The following MALRD1 variants were observed in gnomAD, a reference collection of about 807,000 sequenced individuals.
The protein encoded by MALRD1 is MAM and LDL receptor class A domain containing 1.
In MALRD1, 247 loss-of-function variants were observed where a neutral mutation model predicts 242.1. The observed-to-expected ratio is 1.02, with a 90% CI of 0.92 to 1.13. The LOEUF is 1.13. MALRD1 is among the 50% of genes most tolerant of loss of function. The pLI is 0.00. For synonymous variants in MALRD1, 995 were observed against 866.6 expected, an observed-to-expected ratio of 1.15 and a Z score of -2.60; for missense variants, 2,989 against 2,533.1, an observed-to-expected ratio of 1.18 and a Z score of -3.86.
At chr10:19,308,241 A>G (rs915959010) in intron 21 of MALRD1, among the ~76,000 whole-genome samples, 5 of 151,376 alleles carry the variant, frequency 3.3e-5, no homozygotes, top group African/African-American at 9.7e-5. Context: ...TGTGTGTTCA[A>G]TTGTTTTGAT....
intron 33 of MALRD1, among the ~76,000 whole-genome samples, chr10:19,585,048 C>T (rs1837317332): frequency 8.9e-6 from 1 of 112,714 alleles, no homozygotes; most frequent in Non-Finnish European, 2.0e-5. Context: ...GGATTGCAAC[C>T]CCTGCCTTTT....
chr10:19,698,743 A>G (rs1308370744), intron 38 of MALRD1, among the ~76,000 whole-genome samples: 1 of 152,182 alleles, frequency 6.6e-6, no homozygotes, highest in African/African-American at 2.4e-5. Flanking sequence ...GAGAGTAAAG[A>G]AAACGTTGCT....
chr10:19,385,550 A>G (rs1443230035), intron 26 of MALRD1, among the ~76,000 whole-genome samples: 4 of 152,070 alleles, frequency 2.6e-5, no homozygotes, highest in South Asian at 2.1e-4. Flanking sequence ...AGAAGTCTCA[A>G]TGATCCTTTA....
intron 36 of MALRD1, among the ~76,000 whole-genome samples, chr10:19,631,287 C>T (rs771603548): frequency 1.3e-4 from 20 of 152,112 alleles, no homozygotes; most frequent in Non-Finnish European, 2.6e-4. Flanking sequence ...GGATGATGGC[C>T]TCCAGCTCCA....
At chr10:19,162,057 C>CAAT (rs1433210168) in intron 12 of MALRD1, among the ~76,000 whole-genome samples, 1 of 151,894 alleles carries the variant, frequency 6.6e-6, no homozygotes, top group Non-Finnish European at 1.5e-5. Flanking sequence ...ACAACAACAA[C>CAAT]AACAACAAAA....
At chr10:19,529,548 G>GA (rs1047993489) in intron 31 of MALRD1, among the ~76,000 whole-genome samples, 2 of 146,628 alleles carry the variant, frequency 1.4e-5, no homozygotes, top group African/African-American at 2.6e-5. Flanking sequence ...AAAACAGGAG[G>GA]GGGGGGGAGA....
intron 10 of MALRD1, among the ~76,000 whole-genome samples, chr10:19,144,737 T>A (rs1359976825): frequency 1.3e-5 from 2 of 152,230 alleles, no homozygotes; most frequent in East Asian, 3.9e-4. Context: ...AAAGTCTAGA[T>A]GTTCCATTTA....
At position 19,347,967 on chromosome 10, in the gene MALRD1, A is replaced by C; in HGVS notation, c.4098A>C (p.Arg1366Ser). The C allele has an allele frequency of 6.4e-7, 1 of 1,550,392 alleles. No homozygotes were observed. Among genetic ancestry groups the C allele is most frequent in the Non-Finnish European group, 8.7e-7 (1 of 1,146,810 alleles). ...GTTTGTTTCCTCAGCAGCCCATGAG[A>C]GCTGCCAGAATTTCAAGTCCAGTTA... is the stretch of plus-strand genomic sequence containing the variant. ...IKSLFPQQPM[R>S]AARISSPVIS... Residue 1366 changes from arginine to serine, a missense_variant, in exon 25 of 40, where the codon AGA (arginine) becomes AGC (serine). Physicochemically the swap from Arg to Ser is moderately radical, Grantham distance 110. Coordinates refer to ENST00000454679, the MANE Select transcript of MALRD1 (RefSeq NM_001142308.3).
intron 8 of MALRD1, among the ~76,000 whole-genome samples, chr10:19,129,570 G>T (rs1025503461): frequency 2.0e-5 from 3 of 151,924 alleles, no homozygotes; most frequent in Non-Finnish European, 1.5e-5. Context: ...TCCCCAAAGA[G>T]GTGGGGCTGA....
Position 19,049,187 on chromosome 10 carries a change from A to C in MALRD1, c.199+50A>C, listed in dbSNP as rs187677397. ...ATTTCAATTCCCCGTACAGCCTGAA[A>C]CGAGGGCCTCTGAGCAGTCTGGGAG... On this transcript the variant is annotated intron_variant, in intron 1 of 39. Coordinates refer to ENST00000454679, the MANE Select transcript of MALRD1 (RefSeq NM_001142308.3). 2.6e-4 allele frequency: 320 copies of C among 1,225,146 alleles called. No homozygotes were observed. The African/African-American group carries it at 3.9e-3, about 15-fold the overall frequency. 75.9% of individuals were successfully genotyped at this position (1,225,146 alleles called of 1,614,324 possible). A position where few individuals can be genotyped will look rare whatever the true frequency, so the allele number is the denominator to read the frequency against.
upstream of MALRD1, among the ~76,000 whole-genome samples, chr10:19,047,826 G>C (rs1334739183): frequency 6.6e-6 from 1 of 152,052 alleles, no homozygotes; most frequent in Non-Finnish European, 1.5e-5. Context: ...AAAATGCTCA[G>C]ATGCCTTTTC....
At chr10:19,421,215 A>G (rs1291328322) in intron 28 of MALRD1, among the ~76,000 whole-genome samples, 3 of 152,218 alleles carry the variant, frequency 2.0e-5, no homozygotes, top group African/African-American at 7.2e-5. Flanking sequence ...TTGTGTGTGT[A>G]TGTGTATGTG....
At chr10:19,133,027 C>T (rs1171108562) in intron 8 of MALRD1, among the ~76,000 whole-genome samples, 1 of 152,118 alleles carries the variant, frequency 6.6e-6, no homozygotes, top group Non-Finnish European at 1.5e-5. Context: ...CAACCTGCGC[C>T]TCCCAGGTTC....
intron 4 of MALRD1, among the ~76,000 whole-genome samples, chr10:19,096,599 G>A (rs1042593134): frequency 2.0e-5 from 3 of 152,232 alleles, no homozygotes; most frequent in Middle Eastern, 3.4e-3. Context: ...GAGAAGTGCT[G>A]TGCTTGTAAA....
At chr10:19,565,691 C>T (rs1429653847) in intron 32 of MALRD1, among the ~76,000 whole-genome samples, 4 of 152,150 alleles carry the variant, frequency 2.6e-5, no homozygotes, top group East Asian at 1.9e-4. Context: ...TGAGTGCTTA[C>T]GTGTCAGACT....
At chr10:19,556,988 A>C (rs1835748188) in intron 32 of MALRD1, among the ~76,000 whole-genome samples, 1 of 152,120 alleles carries the variant, frequency 6.6e-6, no homozygotes, top group African/African-American at 2.4e-5. Context: ...TAGCCATTTT[A>C]AAAGATGTTT....
chr10:19,052,550 G>A (rs952116173), intron 1 of MALRD1, among the ~76,000 whole-genome samples: 4 of 152,066 alleles, frequency 2.6e-5, no homozygotes, highest in Non-Finnish European at 2.9e-5. Context: ...CTGATTACAC[G>A]GCCTGGGGTC....
intron 28 of MALRD1, among the ~76,000 whole-genome samples, chr10:19,428,764 T>C (rs1456656235): frequency 6.6e-6 from 1 of 152,238 alleles, no homozygotes; most frequent in Non-Finnish European, 1.5e-5. Flanking sequence ...AGTTTACGTA[T>C]AAGTTAATCC....
intron 19 of MALRD1, among the ~76,000 whole-genome samples, chr10:19,259,059 C>T (rs1427516874): frequency 6.6e-6 from 1 of 152,128 alleles, no homozygotes; most frequent in African/African-American, 2.4e-5. Flanking sequence ...GATCTATCTG[C>T]TCCTACCCTT....
Sources: gnomAD v4.1 joint callset for allele counts (sites outside exome capture counted in the v4.1 genomes callset) on GRCh38, gnomAD v4.1.1 for gene constraint, MANE v1.5 for transcripts, NCBI Gene and HGNC (gene_info 2026-07-23, HGNC 2026-07-21) for gene names.